Variants in CEBPZ observed in about 807,000 individuals in gnomAD.
The protein encoded by CEBPZ is CCAAT enhancer binding protein zeta.
Under a neutral mutation model 104.5 loss-of-function variants are expected in CEBPZ, and 78 were observed. The ratio of observed to expected loss-of-function variants is 0.75; its 90% CI spans 0.62 to 0.90. The LOEUF (loss-of-function observed/expected upper bound fraction) is 0.90, where lower values mean the gene tolerates loss of function less well. Among genes scored for constraint, CEBPZ ranks in the 40% least tolerant of loss-of-function variants. The pLI, the probability that CEBPZ is intolerant of heterozygous loss-of-function variation, is 0.00. For synonymous variants in CEBPZ, 470 were observed against 427.0 expected (o/e 1.10, Z -1.24); for missense variants, 1,439 against 1,233.5 (o/e 1.17, Z -2.50).
At position 37,217,032 on chromosome 2, in the gene CEBPZ, A is replaced by G; in HGVS notation, c.2160T>C (p.Ser720=). The G allele has an allele frequency of 6.2e-7, 1 of 1,611,854 alleles. No individual in the cohort carries two copies. The highest frequency in any genetic ancestry group is 8.5e-7 in the Non-Finnish European group (1 of 1,177,962). Residue 720 remains serine, a synonymous_variant, in exon 6 of 16, where the codon TCT becomes TCC. Transcript: ENST00000234170. The part of the protein sequence containing the change: ...NTSLWELKKL[S]VHFHPSVALF... ...GGGCCACGGAGGGATGAAAATGCACAGATAACTAAAAAGAAAAATGTGAAT... is the reference window on the plus strand; with the variant it reads ...GGGCCACGGAGGGATGAAAATGCACGGATAACTAAAAAGAAAAATGTGAAT...
At chr2:37,203,172 A>G in intron 13 of CEBPZ, 164 bp from the exon 14 acceptor site, 1 of 471,208 alleles carries the variant, frequency 2.1e-6, no homozygotes, top group Non-Finnish European at 3.8e-6. Context: ...TTTAAGAGTT[A>G]GTATATAATA....
intron 2 of CEBPZ, among the ~76,000 whole-genome samples, chr2:37,226,151 T>C (rs889897446): frequency 2.0e-5 from 3 of 151,870 alleles, no homozygotes; most frequent in African/African-American, 4.8e-5. Flanking sequence ...GGATCCTCCA[T>C]ATGCTGAACG....
intron 13 of CEBPZ, among the ~76,000 whole-genome samples, chr2:37,205,264 G>A (rs1254195317): frequency 1.3e-5 from 2 of 151,574 alleles, no homozygotes; most frequent in African/African-American, 4.8e-5. Flanking sequence ...CATATCCCCT[G>A]TGACCTGCAC....
At position 37,228,944 on chromosome 2, in the gene CEBPZ, T is replaced by A; in HGVS notation, c.249A>T (p.Glu83Asp). 1 of 1,611,302 alleles carries A rather than the reference T, an allele frequency of 6.2e-7. No homozygotes were observed. Among genetic ancestry groups the A allele is most frequent in the Non-Finnish European group, 8.5e-7 (1 of 1,179,100 alleles). Reference sequence around the variant, plus strand: ...TAAGATTTTGAATAAATGCTTCCAATTCACCTTGCTGAAGGTCATCGATTG... The same window carrying A: ...TAAGATTTTGAATAAATGCTTCCAAATCACCTTGCTGAAGGTCATCGATTG... The part of the protein sequence containing the change: ...KGAIDDLQQG[E>D]LEAFIQNLNL... Residue 83 changes from glutamate to aspartate, a missense_variant, in exon 2 of 16, where the codon GAA (glutamate) becomes GAT (aspartate). Transcript: ENST00000234170.
chr2:37,229,018 C>G lies in CEBPZ; in HGVS notation c.175G>C (p.Ala59Pro), dbSNP rs1253439106. 6.4e-7 allele frequency: 1 copy of G among 1,560,082 alleles called. No individual in the cohort carries two copies. Among genetic ancestry groups the G allele is most frequent in the Admixed American group, 2.1e-5 (1 of 47,954 alleles). Residue 59 changes from alanine (A) to proline (P), a missense_variant, in exon 2 of 16, where the codon GCT (alanine) becomes CCT (proline). Coordinates refer to ENST00000234170, the MANE Select transcript of CEBPZ (RefSeq NM_005760.3). ...GGTKQDYLML[A>P]TLDENEEVID... ...ACTTCCTCATTCTCATCCAAAGTAG[C>G]CAGCATAAGGTAATCTTGCTGCATT...
At chr2:37,202,205 TC>T (rs2148329255) in intron 15 of CEBPZ, 1 of 209,844 alleles carries the variant, frequency 4.8e-6, no homozygotes, top group Admixed American at 5.8e-5. Flanking sequence ...ACGGCCCACT[TC>T]CCTAAAAAAA....
rs1326317303 is a variant in CEBPZ at position 37,211,064 on chromosome 2, T to C, written c.2819A>G (p.Lys940Arg). Residue 940 changes from lysine (K) to arginine (R), a missense_variant, in exon 13 of 16, where the codon AAA (lysine) becomes AGA (arginine). Coordinates refer to ENST00000234170, the MANE Select transcript of CEBPZ (RefSeq NM_005760.3). The part of the protein sequence containing the change: ...ESVPELEVHS[K>R]VSTKKSKRKG... The stretch of plus-strand genomic sequence containing the variant: ...TCTCTTGCTTTTCTTAGTACTGACT[T>C]TGGAGTGGACTTCAAGTTCTGTTAC... 3 of 1,609,696 alleles carry C rather than the reference T, an allele frequency of 1.9e-6. No individual in the cohort carries two copies. Among genetic ancestry groups the C allele is most frequent in the East Asian group, 4.5e-5 (2 of 44,790 alleles).
In CEBPZ at chr2:37,228,721, T is replaced by C; in HGVS notation, c.472A>G (p.Lys158Glu). ...ATGTTCTGTTTATCTTTCTTTACTT[T>C]CGGTGTGGTACTGCCATTCTCATCA... The part of the protein sequence containing the change: ...HSDENGSTTP[K>E]VKKDKQNIFE... The change falls in exon 2 of 16, where the codon AAA (lysine) becomes GAA (glutamate). Residue 158 changes from lysine to glutamate, a missense_variant. Physicochemically the swap from Lys to Glu is moderately conservative, Grantham distance 56. Coordinates refer to ENST00000234170, the MANE Select transcript of CEBPZ (RefSeq NM_005760.3). The C allele has an allele frequency of 1.2e-6, 2 of 1,614,238 alleles. No individual in the cohort carries two copies.
At chr2:37,205,343 CTGTTCCTGCCTT>C (rs1343421203) in intron 13 of CEBPZ, among the ~76,000 whole-genome samples, 1 of 152,124 alleles carries the variant, frequency 6.6e-6, no homozygotes, top group Non-Finnish European at 1.5e-5. Context: ...TGAAAATGGC[CTGTTCCTGCCTT>C]AACTGATGAC....
At chr2:37,224,398 T>A (rs1192863174) in intron 2 of CEBPZ, among the ~76,000 whole-genome samples, 1 of 152,220 alleles carries the variant, frequency 6.6e-6, no homozygotes, top group East Asian at 1.9e-4. Flanking sequence ...ATTACTTCCT[T>A]TGTTTTAAGC....
chr2:37,209,322 A>G (rs1184500564), intron 13 of CEBPZ: 1 of 152,218 alleles, frequency 6.6e-6, no homozygotes, highest in African/African-American at 2.4e-5. Context: ...ACAAAATAAG[A>G]GCCTGCATAG....
At chr2:37,227,471 CAG>C (rs1664915115) in intron 2 of CEBPZ, 71 bp downstream of exon 2, 1 of 1,438,896 alleles carries the variant, frequency 6.9e-7, no homozygotes, top group Admixed American at 2.5e-5. Context: ...TCTTGCCCCA[CAG>C]AGGGCACTGC....
At chr2:37,227,215 T>A (rs1558478102) in intron 2 of CEBPZ, among the ~76,000 whole-genome samples, 1 of 152,236 alleles carries the variant, frequency 6.6e-6, no homozygotes. Flanking sequence ...GCAATTTTAT[T>A]TCTTTAATAT....
At chr2:37,222,962 TAC>T (rs371148531) in intron 3 of CEBPZ, among the ~76,000 whole-genome samples, 3 of 152,336 alleles carry the variant, frequency 2.0e-5, no homozygotes, top group African/African-American at 7.2e-5. Context: ...TCTAGTATAG[TAC>T]AGTTTATTGC....
At chr2:37,230,306 T>A (rs940405009) in intron 1 of CEBPZ, among the ~76,000 whole-genome samples, 1 of 152,232 alleles carries the variant, frequency 6.6e-6, no homozygotes, top group African/African-American at 2.4e-5. Context: ...TAAATGAGTA[T>A]GTATATGCTT....
At chr2:37,220,554 T>C (rs1238737970) in intron 4 of CEBPZ, 81 bp from the exon 5 acceptor site, 1 of 626,950 alleles carries the variant, frequency 1.6e-6, no homozygotes, top group East Asian at 3.2e-5. Flanking sequence ...ACCATTAATA[T>C]TCTCAACAGA....
intron 9 of CEBPZ, 117 bp from the exon 10 acceptor site, chr2:37,214,078 A>G: frequency 4.1e-6 from 2 of 492,448 alleles, no homozygotes; most frequent in Middle Eastern, 5.3e-4. Flanking sequence ...AGTATACTCA[A>G]TTGGAAATAA....
At chr2:37,212,836 A>T (rs921530099) in intron 10 of CEBPZ, among the ~76,000 whole-genome samples, 6 of 121,534 alleles carry the variant, frequency 4.9e-5, no homozygotes, top group African/African-American at 9.0e-5. Context: ...TATCTCTATT[A>T]AAAAAAAAAA....
chr2:37,207,276 C>G (rs768722250), intron 13 of CEBPZ, among the ~76,000 whole-genome samples: 27 of 152,252 alleles, frequency 1.8e-4, no homozygotes, highest in South Asian at 4.1e-4. Flanking sequence ...AAACAATGGA[C>G]TTAAACTATA....
Sources: gnomAD v4.1 joint callset for allele counts (sites outside exome capture counted in the v4.1 genomes callset) on GRCh38, gnomAD v4.1.1 for gene constraint, MANE v1.5 for transcripts, NCBI Gene and HGNC (gene_info 2026-07-23, HGNC 2026-07-21) for gene names.